SGK1: variants seen among roughly 807,000 people sequenced by gnomAD.
SGK1 encodes serine/threonine-protein kinase Sgk1.
A neutral mutation model predicts 64.2 loss-of-function variants in SGK1; 26 were observed. The ratio of observed to expected loss-of-function variants is 0.40; its 90% CI spans 0.30 to 0.56. The LOEUF is 0.56. Among genes scored for constraint, SGK1 ranks in the 20% least tolerant of loss-of-function variants. The probability of loss-of-function intolerance (pLI) is 0.38; values close to 1 mark genes in which losing one functional copy is unlikely to be tolerated. For missense variants in SGK1, 519 were observed against 645.6 expected (o/e 0.80, Z 2.12); for synonymous variants, 265 against 239.7 (o/e 1.11, Z -0.98).
At chr6:134,256,725 G>A (rs1776690128) in intron 2 of SGK1, among the ~76,000 whole-genome samples, 1 of 151,886 alleles carries the variant, frequency 6.6e-6, no homozygotes, top group African/African-American at 2.4e-5. Flanking sequence ...ACAGCTCTAA[G>A]TTATCATCTT....
intron 2 of SGK1, among the ~76,000 whole-genome samples, chr6:134,232,777 G>C (rs897862727): frequency 6.6e-6 from 1 of 151,718 alleles, no homozygotes; most frequent in East Asian, 1.9e-4. Context: ...ACTTGAACCC[G>C]GGAGGCAGAG....
chr6:134,188,413 G>A (rs1019269873), intron 3 of SGK1, among the ~76,000 whole-genome samples: 2 of 152,158 alleles, frequency 1.3e-5, no homozygotes, highest in African/African-American at 4.8e-5. Flanking sequence ...CCAGGTGCTC[G>A]AGGTTCTGCT....
At chr6:134,258,995 A>C (rs1488145585) in intron 2 of SGK1, among the ~76,000 whole-genome samples, 2 of 152,156 alleles carry the variant, frequency 1.3e-5, no homozygotes, top group Non-Finnish European at 2.9e-5. Context: ...CTCAAAAAAA[A>C]AGTAATAAAA....
rs1444566240 is a variant in SGK1 at position 134,225,017 on chromosome 6, AAAAAAAG to A, written c.286-17593_286-17587del. Among the ~76,000 whole-genome samples, 1,062 of 149,400 alleles carry A rather than the reference AAAAAAAG, an allele frequency of 7.1e-3. 11 individuals carry two copies. Among genetic ancestry groups the A allele is most frequent in the Non-Finnish European group, 0.012 (805 of 67,328 alleles). Reference sequence around the variant, plus strand: ...CCTGGAGACTCCATCTCAAAAAAAAAAAAAAAGAAAAAAGAAAGAAATCTTATAATAT... The same window carrying A: ...CCTGGAGACTCCATCTCAAAAAAAAAAAAAAAGAAAGAAATCTTATAATAT... On this transcript the variant is annotated intron_variant, in intron 2 of 13. Coordinates refer to ENST00000367858, the MANE Select transcript of SGK1 (RefSeq NM_001143676.3).
intron 2 of SGK1, among the ~76,000 whole-genome samples, chr6:134,246,910 G>T (rs1207560313): frequency 1.3e-5 from 2 of 152,142 alleles, no homozygotes; most frequent in Non-Finnish European, 2.9e-5. Flanking sequence ...TTTTATAAAT[G>T]GGAAACTTAA....
intron 1 of SGK1, among the ~76,000 whole-genome samples, chr6:134,311,960 T>C (rs1414959302): frequency 6.6e-6 from 1 of 152,194 alleles, no homozygotes; most frequent in Non-Finnish European, 1.5e-5. Flanking sequence ...TAGCTAAGGC[T>C]ATAACAACAT....
At chr6:134,234,605 T>C (rs1014027026) in intron 2 of SGK1, among the ~76,000 whole-genome samples, 2 of 152,148 alleles carry the variant, frequency 1.3e-5, no homozygotes, top group African/African-American at 4.8e-5. Context: ...GGGCCGGGTG[T>C]GGTGGCTCAT....
At chr6:134,257,088 G>A (rs1423541792) in intron 2 of SGK1, 3 of 152,340 alleles carry the variant, frequency 2.0e-5, no homozygotes, top group South Asian at 2.1e-4. Flanking sequence ...AAGCAGGATC[G>A]GACCTGGCTG....
Position 134,171,109 on chromosome 6 carries a change from G to T in SGK1, c.1237C>A (p.Pro413Thr). The T allele has an allele frequency of 1.9e-6, 3 of 1,614,096 alleles. No homozygotes were observed. The highest frequency in any genetic ancestry group is 2.2e-5 in the South Asian group (2 of 91,086). The change falls in exon 12 of 14, where the codon CCA becomes ACA. Residue 413 changes from proline (P) to threonine (T), a missense_variant. Physicochemically the swap from Pro to Thr is conservative, Grantham distance 38. Around this residue, in one of 2 missense-constraint regions of SGK1, gnomAD observed 278 missense variants for 408.7 expected, o/e 0.68. Coordinates refer to ENST00000367858, the MANE Select transcript of SGK1 (RefSeq NM_001143676.3). ...NILNKPLQLK[P>T]NITNSARHLL... is the part of the protein sequence containing the mutation. ...TGTCTTGCGGAATTTGTAATATTTG[G>T]TTTCAGCTGGAGAGGCTTGTTCAGA...
At chr6:134,227,423 C>T (rs1268360337) in intron 2 of SGK1, among the ~76,000 whole-genome samples, 4 of 152,158 alleles carry the variant, frequency 2.6e-5, no homozygotes, top group Non-Finnish European at 5.9e-5. Context: ...CGTGGGCCAC[C>T]GTGCCTGGCT....
chr6:134,292,422 G>A (rs961491752), intron 1 of SGK1, among the ~76,000 whole-genome samples: 2 of 152,200 alleles, frequency 1.3e-5, no homozygotes, highest in African/African-American at 2.4e-5. Context: ...GTGAAACCCC[G>A]TCTCTGCTAA....
chr6:134,175,748 G>C, intron 3 of SGK1: 18 of 1,354,622 alleles, frequency 1.3e-5, no homozygotes, highest in Non-Finnish European at 1.7e-5. Flanking sequence ...ACTCAGGCCG[G>C]GCAAGATTTC....
intron 1 of SGK1, among the ~76,000 whole-genome samples, chr6:134,283,415 C>G (rs1163024124): frequency 6.6e-6 from 1 of 151,922 alleles, no homozygotes; most frequent in East Asian, 1.9e-4. Context: ...TGCTTGAACC[C>G]AGAGGGTGGA....
intron 2 of SGK1, among the ~76,000 whole-genome samples, chr6:134,215,344 G>A (rs1485182367): frequency 1.3e-5 from 2 of 151,660 alleles, no homozygotes; most frequent in Non-Finnish European, 2.9e-5. Flanking sequence ...TCGAACACCT[G>A]ACCTCAAGAG....
rs945376965 is a variant in SGK1 at position 134,170,935 on chromosome 6, G to T, written c.1324-20C>A. On this transcript the variant is annotated intron_variant, in intron 12 of 13. Transcript: ENST00000367858. ...CTCCATCTGTTGATAAGAAACCCAA[G>T]ATTAATTTAGACAGGTGCATTCAAT... The T allele has an allele frequency of 1.2e-6, 2 of 1,607,368 alleles. No individual in the cohort carries two copies. The highest frequency in any genetic ancestry group is 1.3e-5 in the African/African-American group (1 of 74,724).
chr6:134,284,516 C>T (rs1314000612), intron 1 of SGK1, among the ~76,000 whole-genome samples: 2 of 147,322 alleles, frequency 1.4e-5, no homozygotes, highest in Admixed American at 7.0e-5. Context: ...GATAGAGTCT[C>T]ACTCTATCGC....
chr6:134,192,045 G>A (rs1775520792), intron 3 of SGK1, among the ~76,000 whole-genome samples: 1 of 151,718 alleles, frequency 6.6e-6, no homozygotes, highest in Non-Finnish European at 1.5e-5. Flanking sequence ...TGGCCAGAAT[G>A]GTCTCAATCT....
chr6:134,300,262 G>A (rs1777427474), intron 1 of SGK1, among the ~76,000 whole-genome samples: 1 of 151,404 alleles, frequency 6.6e-6, no homozygotes, highest in Non-Finnish European at 1.5e-5. Context: ...TGGCAGGCGG[G>A]GCGCAATGGC....
intron 2 of SGK1, among the ~76,000 whole-genome samples, chr6:134,226,340 C>A (rs571082889): frequency 1.5e-4 from 22 of 148,638 alleles, no homozygotes; most frequent in Non-Finnish European, 2.8e-4. Flanking sequence ...TCCTGCCCCC[C>A]CTCATCCAAA....
Sources: allele counts gnomAD v4.1 joint callset (sites outside exome capture counted in the v4.1 genomes callset), GRCh38; gene constraint gnomAD v4.1.1; regional missense constraint gnomAD v4.1.1; transcripts MANE v1.5; gene names NCBI Gene and HGNC (gene_info 2026-07-23, HGNC 2026-07-21).